Variants in SEC23IP observed in about 807,000 individuals in gnomAD.
SEC23IP encodes the protein SEC23 interacting protein, also known as SEC23-interacting protein.
SEC23IP carries 70 observed loss-of-function variants against 113.4 expected under a neutral mutation model. The ratio of observed to expected loss-of-function variants is 0.62; its 90% CI spans 0.51 to 0.75. The LOEUF (loss-of-function observed/expected upper bound fraction) is 0.75. SEC23IP is among the 30% of genes least tolerant of loss of function. The pLI is 0.00. For synonymous variants in SEC23IP, 398 were observed against 421.0 expected, an observed-to-expected ratio of 0.95 and a Z score of 0.67; for missense variants, 1,160 against 1,204.9, an observed-to-expected ratio of 0.96 and a Z score of 0.55.
chr10:119,896,687 A>G (rs1854294733), intron 1 of SEC23IP, among the ~76,000 whole-genome samples: 1 of 152,114 alleles, frequency 6.6e-6, no homozygotes, highest in African/African-American at 2.4e-5. Context: ...TATGGAGAGC[A>G]CTTCATTTGT....
chr10:119,914,697 C>A, intron 6 of SEC23IP, 33 bp from the exon 7 acceptor site: 2 of 1,561,436 alleles, frequency 1.3e-6, no homozygotes, highest in Non-Finnish European at 1.8e-6. Context: ...AAATTCCCAT[C>A]TTTTATGTAG....
intron 17 of SEC23IP, 38 bp from the exon 18 acceptor site, chr10:119,933,648 A>C (rs763975597): frequency 1.5e-5 from 17 of 1,146,588 alleles, no homozygotes; most frequent in Non-Finnish European, 2.1e-5. Context: ...AATTTCTTCT[A>C]ATTGTCTCTT....
rs1285505540 is a variant in SEC23IP, at chr10:119,932,327, G to A, written c.2758+9G>A. 4 of 1,596,590 alleles carry A rather than the reference G, an allele frequency of 2.5e-6. No homozygotes were observed. In the African/African-American group the frequency reaches 4.0e-5, roughly 16 times the overall value. Reference sequence around the variant, plus strand: ...AAAGCAAGTAGTTGAAGGTAAATTTGACATTTGAGGCATTTTCTAATACAA... The same window carrying A: ...AAAGCAAGTAGTTGAAGGTAAATTTAACATTTGAGGCATTTTCTAATACAA... On this transcript the variant is annotated intron_variant, in intron 16 of 18. Coordinates refer to ENST00000369075, the MANE Select transcript of SEC23IP (RefSeq NM_007190.4).
At chr10:119,926,467 T>C (rs1290200531) in intron 13 of SEC23IP, among the ~76,000 whole-genome samples, 1 of 152,226 alleles carries the variant, frequency 6.6e-6, no homozygotes, top group Non-Finnish European at 1.5e-5. Flanking sequence ...TTCCCACCGC[T>C]CATACTTTTA....
intron 17 of SEC23IP, among the ~76,000 whole-genome samples, chr10:119,933,479 C>G (rs1031019737): frequency 1.1e-4 from 17 of 152,154 alleles, no homozygotes; most frequent in African/African-American, 4.1e-4. Context: ...TGCAACACAG[C>G]TATTTTGGAG....
chr10:119,933,794 T>A lies in SEC23IP; in HGVS notation c.*20+7T>A. Reference sequence around the variant, plus strand: ...CAAACTTCAGTTTTACTGTGTGAGTTTATCCTTATTGAATGTATAAATTCT... The same window carrying A: ...CAAACTTCAGTTTTACTGTGTGAGTATATCCTTATTGAATGTATAAATTCT... On this transcript the variant is annotated splice_region_variant and intron_variant, in intron 18 of 18. Coordinates refer to ENST00000369075, the MANE Select transcript of SEC23IP (RefSeq NM_007190.4). The A allele has an allele frequency of 8.0e-7, 1 of 1,244,992 alleles. No individual in the cohort carries two copies. Among genetic ancestry groups the A allele is most frequent in the Non-Finnish European group, 1.2e-6 (1 of 846,748 alleles). 77.1% of individuals were successfully genotyped at this position (1,244,992 alleles called of 1,614,324 possible).
chr10:119,909,110 A>G lies in SEC23IP; in HGVS notation c.1171A>G (p.Ile391Val), dbSNP rs1391583376. The stretch of plus-strand genomic sequence containing the variant: ...ATTAGAGTTTCCAAGTGGAGAGACA[A>G]TTGTTATGCACAATCCAAAGGTAAT... ...RRLEFPSGET[I>V]VMHNPKVIVQ... Residue 391 changes from isoleucine (I) to valine (V), a missense_variant, in exon 5 of 19, where the codon ATT becomes GTT. By Grantham distance (29) the Ile-to-Val change is conservative. Coordinates refer to ENST00000369075, the MANE Select transcript of SEC23IP (RefSeq NM_007190.4). 3.1e-6 allele frequency: 5 copies of G among 1,611,534 alleles called. No homozygotes were observed. Among genetic ancestry groups the G allele is most frequent in the Admixed American group, 3.3e-5 (2 of 59,798 alleles).
At chr10:119,904,427 G>C in intron 4 of SEC23IP, 150 bp downstream of exon 4, 1 of 665,896 alleles carries the variant, frequency 1.5e-6, no homozygotes, top group East Asian at 2.7e-5. Context: ...TTTAAGTGGT[G>C]TCATCACTCA....
At chr10:119,900,944 A>AT (rs67750343) in intron 2 of SEC23IP, among the ~76,000 whole-genome samples, 68 of 136,010 alleles carry the variant, frequency 5.0e-4, no homozygotes, top group East Asian at 4.9e-3. Flanking sequence ...TCTATAATCT[A>AT]TTTTTTTTTT....
chr10:119,919,324 T>G, intron 10 of SEC23IP, 120 bp from the exon 11 acceptor site: 1 of 914,142 alleles, frequency 1.1e-6, no homozygotes. Flanking sequence ...GGCAAAGTAC[T>G]GTGCCTAAAA....
chr10:119,894,760 T>C (rs1280291135), intron 1 of SEC23IP, among the ~76,000 whole-genome samples: 1 of 152,144 alleles, frequency 6.6e-6, no homozygotes, highest in Non-Finnish European at 1.5e-5. Flanking sequence ...TAAAGTTGTT[T>C]GGTTATGTCC....
At chr10:119,930,512 G>A (rs996615836) in intron 15 of SEC23IP, 81 bp downstream of exon 15, 2 of 741,888 alleles carry the variant, frequency 2.7e-6, no homozygotes, top group Non-Finnish European at 4.6e-6. Flanking sequence ...ACACTAAATC[G>A]TCTCTGAGAG....
chr10:119,927,879 C>G (rs1294779333), intron 13 of SEC23IP, among the ~76,000 whole-genome samples: 1 of 152,168 alleles, frequency 6.6e-6, no homozygotes, highest in Non-Finnish European at 1.5e-5. Context: ...CATAGGGTAG[C>G]TGGGCCAAAG....
chr10:119,931,539 A>G (rs1227299366), intron 15 of SEC23IP, among the ~76,000 whole-genome samples: 2 of 151,476 alleles, frequency 1.3e-5, no homozygotes, highest in Admixed American at 6.6e-5. Context: ...CAAAAAAGGC[A>G]TAAGAATGTG....
intron 8 of SEC23IP, among the ~76,000 whole-genome samples, chr10:119,917,195 T>C (rs889254563): frequency 1.4e-4 from 22 of 152,106 alleles, no homozygotes; most frequent in Admixed American, 1.2e-3. Flanking sequence ...TTTACCTTTA[T>C]TTATACTTTT....
intron 4 of SEC23IP, among the ~76,000 whole-genome samples, chr10:119,906,105 G>A (rs555223590): frequency 3.8e-4 from 58 of 151,656 alleles, no homozygotes; most frequent in Non-Finnish European, 6.8e-4. Flanking sequence ...GAAAAACCCC[G>A]TCTCTACAAA....
rs1564923239 is a variant in SEC23IP at position 119,929,627 on chromosome 10, A to G, written c.2334A>G (p.Ser778=). The G allele has an allele frequency of 4.3e-6, 7 of 1,610,508 alleles. No homozygotes were observed. The highest frequency in any genetic ancestry group is 5.9e-6 in the Non-Finnish European group (7 of 1,176,876). Residue 778 remains serine, a synonymous_variant, in exon 14 of 19, where the codon TCA becomes TCG. Transcript: ENST00000369075. The stretch of plus-strand genomic sequence containing the variant: ...TCCAGGTTTCTGTTGCTTACAACTC[A>G]TTAGATTTTGAACCAGAGATATTCT... ...GAGQVSVAYN[S]LDFEPEIFFA...
intron 12 of SEC23IP, among the ~76,000 whole-genome samples, chr10:119,924,655 C>T (rs190831952): frequency 2.6e-5 from 4 of 152,102 alleles, no homozygotes; most frequent in African/African-American, 9.6e-5. Context: ...TCAGATGATT[C>T]GCCCGCCTCG....
rs1856028289 is a variant in SEC23IP, at chr10:119,944,308, A to C, written c.*3743A>C. The C allele has an allele frequency of 1.3e-5, 2 of 152,184 alleles. No individual in the cohort carries two copies. The allele number at this position is 152,184 out of a possible 1,614,324, so 9.4% of individuals were successfully genotyped here. On this transcript the variant is annotated 3_prime_UTR_variant, in exon 19 of 19. Coordinates refer to ENST00000369075, the MANE Select transcript of SEC23IP (RefSeq NM_007190.4). ...CCCTTTGCCTTTCGTCACAATTGTAAGTTCCCCGAGGTTCGTCATGATTGT... is the reference window on the plus strand; with the variant it reads ...CCCTTTGCCTTTCGTCACAATTGTACGTTCCCCGAGGTTCGTCATGATTGT...
Sources: gnomAD v4.1 joint callset for allele counts (sites outside exome capture counted in the v4.1 genomes callset) on GRCh38, gnomAD v4.1.1 for gene constraint, MANE v1.5 for transcripts, NCBI Gene and HGNC (gene_info 2026-07-23, HGNC 2026-07-21) for gene names.